HADH: variants seen among roughly 807,000 people sequenced by gnomAD.
HADH encodes hydroxyacyl-CoA dehydrogenase.
In HADH, 24 loss-of-function variants were observed where a neutral mutation model predicts 32.2. That is an observed-to-expected ratio of 0.75 (90% CI 0.54 to 1.05). HADH has a LOEUF of 1.05. Ranked by LOEUF, HADH falls within the 50% of genes least tolerant of loss-of-function variation. The pLI is 0.00. For missense variants in HADH, 350 were observed against 397.1 expected (o/e 0.88, Z 1.01); for synonymous variants, 139 against 152.5 (o/e 0.91, Z 0.65).
chr4:107,994,388 A>G (rs1328440834), intron 1 of HADH, among the ~76,000 whole-genome samples: 5 of 152,096 alleles, frequency 3.3e-5, no homozygotes, highest in African/African-American at 1.2e-4. Flanking sequence ...ATTCAGGTAG[A>G]CCTGAAAGCT....
intron 1 of HADH, among the ~76,000 whole-genome samples, chr4:108,005,642 G>A (rs3756272): frequency 0.76 from 114,933 of 152,168 alleles, 45,959 homozygotes; most frequent in East Asian, 0.96. Context: ...ATCTTGTTTC[G>A]AAAGAACAAA....
intron 1 of HADH, among the ~76,000 whole-genome samples, chr4:107,990,864 C>T (rs901719223): frequency 1.3e-5 from 2 of 151,738 alleles, no homozygotes; most frequent in African/African-American, 4.9e-5. Context: ...ATTCTCCTGC[C>T]TCAGCCTCCC....
intron 5 of HADH, chr4:108,024,949 G>T (rs1228143817): frequency 2.0e-5 from 3 of 152,170 alleles, no homozygotes; most frequent in African/African-American, 7.2e-5. Context: ...TATTCTAAGG[G>T]CTTTCAGAGG....
chr4:108,005,946 G>T (rs962688075), intron 1 of HADH, among the ~76,000 whole-genome samples: 1 of 152,226 alleles, frequency 6.6e-6, no homozygotes, highest in Non-Finnish European at 1.5e-5. Flanking sequence ...GAGCAGGCAG[G>T]TGACCATCAA....
At chr4:108,003,153 G>C (rs1316826017) in intron 1 of HADH, among the ~76,000 whole-genome samples, 1 of 148,574 alleles carries the variant, frequency 6.7e-6, no homozygotes, top group Non-Finnish European at 1.5e-5. Context: ...CCTGAGACTG[G>C]GTAATTTATA....
Position 107,989,979 on chromosome 4 carries a change from C to T in HADH, c.47C>T (p.Ser16Phe), listed in dbSNP as rs374248298. The T allele has an allele frequency of 8.7e-6, 14 of 1,612,888 alleles. No homozygotes were observed. Among genetic ancestry groups the T allele is most frequent in the African/African-American group, 1.3e-5 (1 of 75,054 alleles). Residue 16 changes from serine to phenylalanine, a missense_variant, in exon 1 of 8, where the codon TCC becomes TTC. Transcript: ENST00000309522. ...RQFMRSVSSS[S>F]TASASAKKII... Reference sequence around the variant, plus strand: ...TTCATGCGTTCCGTGTCCTCCTCGTCCACCGCCTCGGCCTCGGCCAAGAAG... The same window carrying T: ...TTCATGCGTTCCGTGTCCTCCTCGTTCACCGCCTCGGCCTCGGCCAAGAAG...
Position 108,033,133 on chromosome 4 carries a change from A to G in HADH, c.710-43A>G, listed in dbSNP as rs1281429981. On this transcript the variant is annotated intron_variant, in intron 6 of 7. Coordinates refer to ENST00000309522, the MANE Select transcript of HADH (RefSeq NM_005327.7). The stretch of plus-strand genomic sequence containing the variant: ...GCTAATCCTGTGATAGGGAGAATTC[A>G]AGGAAAGGTGGTGGTGACCCAGTGC... 4.4e-6 allele frequency: 4 copies of G among 918,128 alleles called. No homozygotes were observed. The East Asian group carries it at 7.2e-5, about 16-fold the overall frequency. The allele number at this position is 918,128 out of a possible 1,614,324, so 56.9% of individuals were successfully genotyped here.
At chr4:108,029,788 AT>A in intron 6 of HADH, 1 of 152,554 alleles carries the variant, frequency 6.6e-6, no homozygotes, top group Non-Finnish European at 1.5e-5. Context: ...TTGTCCACTC[AT>A]TTTGGCTTCC....
intron 5 of HADH, chr4:108,025,505 C>A (rs1342636440): frequency 6.6e-6 from 1 of 152,122 alleles, no homozygotes; most frequent in Non-Finnish European, 1.5e-5. Flanking sequence ...CAGTACCTGG[C>A]ACACAGTAAG....
In HADH at chr4:108,014,533, G is replaced by A. The variant is rs138833043; in HGVS notation, c.364G>A (p.Glu122Lys). The change falls in exon 3 of 8, where the codon GAG becomes AAG. Residue 122 changes from glutamate to lysine, a missense_variant. Glu to Lys is a moderately conservative substitution (Grantham distance 56). Coordinates refer to ENST00000309522, the MANE Select transcript of HADH (RefSeq NM_005327.7). ...AGACTTGGTGGTGGAAGCCATCGTG[G>A]AGAATCTGAAGGTGAAAAACGAGCT... Reference protein sequence around the residue: ...STDLVVEAIVENLKVKNELFK... With the variant: ...STDLVVEAIVKNLKVKNELFK... 2.5e-6 allele frequency: 4 copies of A among 1,614,000 alleles called. No individual in the cohort carries two copies. In the African/African-American group the frequency reaches 5.3e-5, roughly 22 times the overall value.
chr4:108,014,793 G>A (rs1054672317), intron 3 of HADH, among the ~76,000 whole-genome samples: 1 of 151,802 alleles, frequency 6.6e-6, no homozygotes, highest in Admixed American at 6.6e-5. Context: ...TTCAACCCTC[G>A]CCACCCTCCC....
At chr4:107,999,803 C>T (rs933615481) in intron 1 of HADH, among the ~76,000 whole-genome samples, 1 of 152,130 alleles carries the variant, frequency 6.6e-6, no homozygotes, top group East Asian at 1.9e-4. Flanking sequence ...AATGAAGGCA[C>T]AGACAGCCTA....
chr4:108,010,583 A>T (rs1735450091), intron 2 of HADH, among the ~76,000 whole-genome samples: 1 of 152,234 alleles, frequency 6.6e-6, no homozygotes, highest in African/African-American at 2.4e-5. Flanking sequence ...AGCCAGAGAA[A>T]AGTACACATA....
chr4:108,029,235 A>G (rs1456166004), intron 6 of HADH: 1 of 230,710 alleles, frequency 4.3e-6, no homozygotes, highest in Non-Finnish European at 8.4e-6. Context: ...CCACCGTGCC[A>G]TCTCCGTTCA....
At chr4:108,010,022 C>A (rs148199172) in intron 2 of HADH, 135 bp downstream of exon 2, 2 of 631,304 alleles carry the variant, frequency 3.2e-6, no homozygotes, top group East Asian at 2.9e-5. Flanking sequence ...ACTCATTTTT[C>A]CATAACTTTA....
intron 1 of HADH, among the ~76,000 whole-genome samples, chr4:107,991,401 C>CA (rs563922732): frequency 5.0e-4 from 76 of 152,036 alleles, no homozygotes; most frequent in Non-Finnish European, 9.6e-4. Context: ...AAAACAAAAA[C>CA]AAAAAAACCT....
chr4:107,999,982 T>C lies in HADH; in HGVS notation c.133-9777T>C, dbSNP rs144056999. On this transcript the variant is annotated intron_variant, in intron 1 of 7. Coordinates refer to ENST00000309522, the MANE Select transcript of HADH (RefSeq NM_005327.7). ...TTAAAAAAGCTTATGTTAAAAGATATATGTATACATTGTACTGCCTGTATG... is the reference window on the plus strand; with the variant it reads ...TTAAAAAAGCTTATGTTAAAAGATACATGTATACATTGTACTGCCTGTATG... Among the ~76,000 whole-genome samples the C allele has an allele frequency of 4.6e-3, 702 of 152,356 alleles. 4 individuals carry two copies. The highest frequency in any genetic ancestry group is 0.015 in the African/African-American group (636 of 41,578).
chr4:108,033,327 G>C (rs770857078), intron 7 of HADH, 35 bp downstream of exon 7: 7 of 1,086,752 alleles, frequency 6.4e-6, no homozygotes, highest in Admixed American at 1.7e-5. Flanking sequence ...CTTTAATTGA[G>C]GTAGTTTTTC....
intron 6 of HADH, chr4:108,032,178 C>T (rs932355379): frequency 6.5e-5 from 34 of 521,958 alleles, no homozygotes; most frequent in Non-Finnish European, 1.1e-4. Context: ...GAACAAAATT[C>T]TAGATAGCCA....
Sources: gnomAD v4.1 joint callset for allele counts (sites outside exome capture counted in the v4.1 genomes callset) on GRCh38, gnomAD v4.1.1 for gene constraint, MANE v1.5 for transcripts, NCBI Gene and HGNC (gene_info 2026-07-23, HGNC 2026-07-21) for gene names.